DCDC2C: variants seen among roughly 807,000 people sequenced by gnomAD.
DCDC2C encodes doublecortin domain-containing protein 2C.
Under a neutral mutation model 45.0 loss-of-function variants are expected in DCDC2C, and 44 were observed. The ratio of observed to expected loss-of-function variants is 0.98; its 90% CI spans 0.77 to 1.26. The LOEUF (loss-of-function observed/expected upper bound fraction) is 1.26. DCDC2C is among the 50% of genes most tolerant of loss of function. DCDC2C has a pLI of 0.00. For synonymous variants in DCDC2C, 187 were observed against 178.8 expected (o/e 1.05, Z -0.37); for missense variants, 447 against 468.9 (o/e 0.95, Z 0.43).
chr2:3,798,649 T>G (rs1283876781), intron 10 of DCDC2C, among the ~76,000 whole-genome samples: 2 of 150,210 alleles, frequency 1.3e-5, no homozygotes, highest in Non-Finnish European at 3.0e-5. Context: ...TGGCTGGATA[T>G]GAAATTCTGG....
intron 1 of DCDC2C, among the ~76,000 whole-genome samples, chr2:3,705,924 A>T (rs1221499993): frequency 6.6e-6 from 1 of 152,168 alleles, no homozygotes; most frequent in African/African-American, 2.4e-5. Context: ...ATTTTGCATT[A>T]TCTATTATCC....
At chr2:3,819,375 T>G (rs941932438) in intron 10 of DCDC2C, among the ~76,000 whole-genome samples, 1 of 152,210 alleles carries the variant, frequency 6.6e-6, no homozygotes, top group Non-Finnish European at 1.5e-5. Context: ...AAGATCCTGG[T>G]GGAGAAGGTC....
At chr2:3,755,762 G>T (rs1314361380) in intron 6 of DCDC2C, among the ~76,000 whole-genome samples, 2 of 151,966 alleles carry the variant, frequency 1.3e-5, no homozygotes, top group Admixed American at 6.6e-5. Context: ...ATATGTGTTG[G>T]TGTATAAATA....
At chr2:3,776,461 C>T (rs144164709) in intron 8 of DCDC2C, among the ~76,000 whole-genome samples, 12 of 152,328 alleles carry the variant, frequency 7.9e-5, no homozygotes, top group South Asian at 2.1e-4. Context: ...TCTCGTCACA[C>T]GGGACCTTCA....
At chr2:3,749,151 C>A (rs1669461370) in intron 4 of DCDC2C, among the ~76,000 whole-genome samples, 1 of 152,182 alleles carries the variant, frequency 6.6e-6, no homozygotes, top group South Asian at 2.1e-4. Context: ...TCTACTATAT[C>A]CCCAATCTTT....
At chr2:3,782,501 C>T (rs1424192610) in intron 9 of DCDC2C, among the ~76,000 whole-genome samples, 5 of 146,856 alleles carry the variant, frequency 3.4e-5, no homozygotes, top group East Asian at 4.0e-4. Flanking sequence ...TTTTTCGAGA[C>T]GAAGTCTTGC....
chr2:3,834,570 C>G (rs1015527841), intron 10 of DCDC2C, among the ~76,000 whole-genome samples: 2 of 152,160 alleles, frequency 1.3e-5, no homozygotes, highest in Non-Finnish European at 2.9e-5. Flanking sequence ...GCAGAGATCA[C>G]CTGGGAGGTC....
At chr2:3,791,350 C>A (rs1563175) in intron 10 of DCDC2C, among the ~76,000 whole-genome samples, 70,124 of 151,548 alleles carry the variant, frequency 0.46, 16,781 homozygotes, top group East Asian at 0.82. Context: ...ATCAAACACA[C>A]GGTATTGCAT....
intron 10 of DCDC2C, among the ~76,000 whole-genome samples, chr2:3,803,404 A>G (rs1671159978): frequency 6.6e-6 from 1 of 152,110 alleles, no homozygotes; most frequent in South Asian, 2.1e-4. Context: ...CTTGCGTCCT[A>G]TCTTCGTGGG....
At chr2:3,832,586 C>T (rs1671977302) in intron 10 of DCDC2C, among the ~76,000 whole-genome samples, 1 of 152,238 alleles carries the variant, frequency 6.6e-6, no homozygotes, top group African/African-American at 2.4e-5. Flanking sequence ...TAGGGCAGAT[C>T]CATCTTGTAT....
chr2:3,715,828 G>A (rs1008134717), intron 2 of DCDC2C, among the ~76,000 whole-genome samples: 4 of 152,208 alleles, frequency 2.6e-5, no homozygotes, highest in Admixed American at 2.0e-4. Flanking sequence ...CTGCATTTCA[G>A]GTGGTGAGAC....
chr2:3,809,088 T>C (rs1671327409), intron 10 of DCDC2C, among the ~76,000 whole-genome samples: 1 of 152,244 alleles, frequency 6.6e-6, no homozygotes, highest in African/African-American at 2.4e-5. Flanking sequence ...GGACTCTATG[T>C]TTATCCCATT....
chr2:3,753,049 G>A, intron 5 of DCDC2C, 149 bp downstream of exon 5: 1 of 1,019,458 alleles, frequency 9.8e-7, no homozygotes, highest in Non-Finnish European at 1.4e-6. Flanking sequence ...TACAATTTTA[G>A]ATTTTAAAAA....
intron 3 of DCDC2C, among the ~76,000 whole-genome samples, chr2:3,732,924 G>A (rs1424921857): frequency 6.6e-6 from 1 of 152,192 alleles, no homozygotes; most frequent in Non-Finnish European, 1.5e-5. Flanking sequence ...ATGACTGAGG[G>A]TGTAATGGCA....
At chr2:3,744,430 A>T (rs1337344857) in intron 4 of DCDC2C, among the ~76,000 whole-genome samples, 1 of 152,186 alleles carries the variant, frequency 6.6e-6, no homozygotes, top group Non-Finnish European at 1.5e-5. Flanking sequence ...CGAGACATCC[A>T]CCTGGGGATG....
At chr2:3,733,513 T>C (rs922428981) in intron 3 of DCDC2C, among the ~76,000 whole-genome samples, 1 of 152,196 alleles carries the variant, frequency 6.6e-6, no homozygotes, top group East Asian at 1.9e-4. Context: ...TATAACAAAA[T>C]ATGTGAGCCT....
chr2:3,725,566 A>G (rs112113802), intron 2 of DCDC2C, among the ~76,000 whole-genome samples: 548 of 23,348 alleles, frequency 0.023, 17 homozygotes, highest in African/African-American at 0.046. Context: ...GGTGGATCCC[A>G]GAGGAAGACG....
chr2:3,778,429 T>A (rs1173182054), intron 8 of DCDC2C, among the ~76,000 whole-genome samples: 2 of 151,932 alleles, frequency 1.3e-5, no homozygotes, highest in Non-Finnish European at 2.9e-5. Flanking sequence ...CCATGGAGAG[T>A]GAGAACCCAC....
intron 10 of DCDC2C, among the ~76,000 whole-genome samples, chr2:3,807,126 G>A (rs780897695): frequency 6.6e-6 from 1 of 151,564 alleles, no homozygotes; most frequent in Non-Finnish European, 1.5e-5. Context: ...ACATCTGCTT[G>A]AACTTGAGGG....
Sources: allele counts gnomAD v4.1 joint callset (sites outside exome capture counted in the v4.1 genomes callset), GRCh38; gene constraint gnomAD v4.1.1; transcripts MANE v1.5; gene names NCBI Gene and HGNC (gene_info 2026-07-23, HGNC 2026-07-21).